Variants in BBS9 observed in about 807,000 individuals in gnomAD.
BBS9 encodes the protein Bardet-Biedl syndrome 9, also known as protein PTHB1.
In BBS9, 89 loss-of-function variants were observed where a neutral mutation model predicts 117.7. That is an observed-to-expected ratio of 0.76 (90% CI 0.64 to 0.90). BBS9 has a LOEUF of 0.90. BBS9 is among the 40% of genes least tolerant of loss of function. The probability of loss-of-function intolerance (pLI) is 0.00; values close to 1 mark genes in which losing one functional copy is unlikely to be tolerated. For synonymous variants in BBS9, 379 were observed against 370.9 expected (o/e 1.02, Z -0.25); for missense variants, 982 against 1,042.2 (o/e 0.94, Z 0.80).
intron 16 of BBS9, among the ~76,000 whole-genome samples, chr7:33,364,742 C>G (rs188073297): frequency 4.2e-5 from 6 of 142,550 alleles, no homozygotes; most frequent in Admixed American, 7.1e-5. Context: ...CTCACCTCCC[C>G]TCCTCTCTCA....
intron 21 of BBS9, among the ~76,000 whole-genome samples, chr7:33,578,906 T>G (rs1219929363): frequency 6.6e-6 from 1 of 152,142 alleles, no homozygotes; most frequent in Non-Finnish European, 1.5e-5. Flanking sequence ...CAAGAACTAG[T>G]ATGAAACATT....
intron 21 of BBS9, among the ~76,000 whole-genome samples, chr7:33,553,002 TCCTG>T (rs1378851540): frequency 6.6e-6 from 1 of 152,138 alleles, no homozygotes; most frequent in Non-Finnish European, 1.5e-5. Context: ...CCAAGCGTTT[TCCTG>T]CCTCTGGTTT....
In BBS9 at chr7:33,161,327, G is replaced by T. The variant is rs545419076; in HGVS notation, c.328+5625G>T. ...GATGTTCCCCACCCTGTGTCCAAGT[G>T]TTCTCATTGTTCAGTTCCCACCTAT... On this transcript the variant is annotated intron_variant, in intron 4 of 22. Transcript: ENST00000242067. 8.5e-5 allele frequency among the ~76,000 whole-genome samples: 13 copies of T among 152,180 alleles called. No homozygotes were observed. In the South Asian group the frequency reaches 2.7e-3, roughly 32 times the overall value.
At chr7:33,550,181 C>G (rs1360377019) in intron 21 of BBS9, among the ~76,000 whole-genome samples, 1 of 152,148 alleles carries the variant, frequency 6.6e-6, no homozygotes, top group Non-Finnish European at 1.5e-5. Flanking sequence ...TCAAGTTCTA[C>G]TCCCAGTATC....
chr7:33,257,875 A>G (rs964323804), intron 6 of BBS9, among the ~76,000 whole-genome samples: 1 of 152,226 alleles, frequency 6.6e-6, no homozygotes, highest in Admixed American at 6.5e-5. Flanking sequence ...TATGTGTGAT[A>G]TAGGAAAAAT....
At chr7:33,280,620 C>T (rs1039279544) in intron 9 of BBS9, among the ~76,000 whole-genome samples, 5 of 152,092 alleles carry the variant, frequency 3.3e-5, no homozygotes, top group African/African-American at 1.2e-4. Flanking sequence ...TAATACATTC[C>T]ATTTTACTTT....
At chr7:33,537,546 T>G (rs2129065268) in intron 21 of BBS9, among the ~76,000 whole-genome samples, 1 of 152,316 alleles carries the variant, frequency 6.6e-6, no homozygotes, top group Non-Finnish European at 1.5e-5. Flanking sequence ...GGAATCTACT[T>G]TCGTTAAATA....
At chr7:33,438,814 G>A (rs1835694410) in intron 19 of BBS9, among the ~76,000 whole-genome samples, 1 of 152,172 alleles carries the variant, frequency 6.6e-6, no homozygotes, top group Non-Finnish European at 1.5e-5. Context: ...AAAGAACACA[G>A]GATATTCATT....
intron 21 of BBS9, among the ~76,000 whole-genome samples, chr7:33,594,900 C>T (rs1050248740): frequency 6.6e-6 from 1 of 151,978 alleles, no homozygotes; most frequent in Non-Finnish European, 1.5e-5. Context: ...CATAAGACCA[C>T]ACATCTACAA....
chr7:33,207,021 A>G (rs1335167958), intron 5 of BBS9, among the ~76,000 whole-genome samples: 1 of 152,118 alleles, frequency 6.6e-6, no homozygotes, highest in Non-Finnish European at 1.5e-5. Flanking sequence ...TCAAGATTAT[A>G]CATTGTTGTC....
chr7:33,272,195 C>T (rs1403422241), intron 7 of BBS9, among the ~76,000 whole-genome samples: 1 of 152,052 alleles, frequency 6.6e-6, no homozygotes, highest in African/African-American at 2.4e-5. Context: ...CTTACTTTCA[C>T]TTGAGGTTGA....
intron 2 of BBS9, among the ~76,000 whole-genome samples, chr7:33,149,874 C>T (rs1049245318): frequency 6.6e-6 from 1 of 152,198 alleles, no homozygotes; most frequent in African/African-American, 2.4e-5. Context: ...TCCTGACCTC[C>T]TCTTATCCCT....
chr7:33,184,323 TC>T (rs1798510752), intron 5 of BBS9, among the ~76,000 whole-genome samples: 1 of 152,006 alleles, frequency 6.6e-6, no homozygotes, highest in Admixed American at 6.6e-5. Flanking sequence ...GAAAAGAAGC[TC>T]CCCATGTCCG....
chr7:33,346,712 T>A (rs1817654632), intron 12 of BBS9, among the ~76,000 whole-genome samples: 1 of 152,214 alleles, frequency 6.6e-6, no homozygotes, highest in South Asian at 2.1e-4. Context: ...CTATCATGAT[T>A]GTGCAACTAA....
intron 9 of BBS9, among the ~76,000 whole-genome samples, chr7:33,296,648 T>G (rs1228055414): frequency 6.6e-6 from 1 of 152,146 alleles, no homozygotes; most frequent in Non-Finnish European, 1.5e-5. Context: ...TCTTGAGAGA[T>G]TCTACCCCAT....
chr7:33,353,874 A>G (rs10951387), intron 15 of BBS9, among the ~76,000 whole-genome samples: 26,964 of 151,938 alleles, frequency 0.18, 2,553 homozygotes, highest in South Asian at 0.21. Flanking sequence ...ATACTTGTCA[A>G]ATTAGAATTT....
chr7:33,165,160 A>G (rs1295167532), intron 4 of BBS9, among the ~76,000 whole-genome samples: 1 of 151,534 alleles, frequency 6.6e-6, no homozygotes, highest in Admixed American at 6.6e-5. Flanking sequence ...ATTGTCCCCC[A>G]CTCTCTTCTG....
chr7:33,183,802 G>A (rs141193339), intron 5 of BBS9, among the ~76,000 whole-genome samples: 223 of 152,136 alleles, frequency 1.5e-3, no homozygotes, highest in African/African-American at 5.0e-3. Flanking sequence ...GACAAGCGGG[G>A]AACCTCATTC....
At chr7:33,291,870 T>A (rs1804114330) in intron 9 of BBS9, among the ~76,000 whole-genome samples, 1 of 152,236 alleles carries the variant, frequency 6.6e-6, no homozygotes, top group South Asian at 2.1e-4. Context: ...GTTTTTTCTA[T>A]AGCTGGGACT....
Sources: allele counts gnomAD v4.1 joint callset (sites outside exome capture counted in the v4.1 genomes callset), GRCh38; gene constraint gnomAD v4.1.1; transcripts MANE v1.5; gene names NCBI Gene and HGNC (gene_info 2026-07-23, HGNC 2026-07-21).